MACROD2: variants seen among roughly 807,000 people sequenced by gnomAD.
MACROD2 encodes ADP-ribose glycohydrolase MACROD2.
MACROD2 carries 36 observed loss-of-function variants against 70.4 expected under a neutral mutation model. The ratio of observed to expected loss-of-function variants is 0.51; its 90% CI spans 0.39 to 0.68. The LOEUF is 0.68. Ranked by LOEUF, MACROD2 falls within the 30% of genes least tolerant of loss-of-function variation. The probability of loss-of-function intolerance (pLI) is 0.00; values close to 1 mark genes in which losing one functional copy is unlikely to be tolerated. For missense variants in MACROD2, 496 were observed against 538.4 expected, an observed-to-expected ratio of 0.92 and a Z score of 0.78; for synonymous variants, 172 against 178.8, an observed-to-expected ratio of 0.96 and a Z score of 0.30.
intron 8 of MACROD2, among the ~76,000 whole-genome samples, chr20:15,577,667 G>A (rs1043103319): frequency 2.0e-5 from 3 of 151,968 alleles, no homozygotes; most frequent in African/African-American, 7.3e-5. Context: ...ATTTATGTGG[G>A]CATGTGTTCC....
At chr20:15,544,866 G>C (rs903097290) in intron 8 of MACROD2, among the ~76,000 whole-genome samples, 2 of 152,136 alleles carry the variant, frequency 1.3e-5, no homozygotes, top group East Asian at 3.8e-4. Context: ...AGTTCCTTGG[G>C]GAAATACTTG....
intron 5 of MACROD2, chr20:14,905,684 C>T (rs1445546884): frequency 6.6e-6 from 1 of 152,148 alleles, no homozygotes; most frequent in Non-Finnish European, 1.5e-5. Flanking sequence ...GGTGTAACCT[C>T]TCCAATGCTA....
At chr20:14,529,227 A>G (rs2085273429) in intron 4 of MACROD2, among the ~76,000 whole-genome samples, 1 of 152,332 alleles carries the variant, frequency 6.6e-6, no homozygotes, top group Admixed American at 6.5e-5. Flanking sequence ...AAAAGATTAA[A>G]CAACAAGATT....
chr20:14,132,052 A>C (rs1232182288), intron 3 of MACROD2, among the ~76,000 whole-genome samples: 1 of 144,618 alleles, frequency 6.9e-6, no homozygotes, highest in African/African-American at 2.5e-5. Context: ...AATGGTGTGA[A>C]CCCGGGAGGC....
intron 5 of MACROD2, among the ~76,000 whole-genome samples, chr20:14,780,206 A>C (rs1222551615): frequency 6.6e-6 from 1 of 152,094 alleles, no homozygotes; most frequent in Non-Finnish European, 1.5e-5. Context: ...AAAAGCAAAA[A>C]CAAAAATAAG....
At chr20:15,265,104 G>T (rs144985362) in intron 6 of MACROD2, among the ~76,000 whole-genome samples, 1 of 152,158 alleles carries the variant, frequency 6.6e-6, no homozygotes, top group South Asian at 2.1e-4. Context: ...TGTGAAATAG[G>T]TATACTTGAT....
intron 3 of MACROD2, among the ~76,000 whole-genome samples, chr20:14,443,615 G>A (rs934709698): frequency 1.3e-5 from 2 of 152,042 alleles, no homozygotes; most frequent in Non-Finnish European, 2.9e-5. Flanking sequence ...GCTATTATAT[G>A]CCAAAATGGA....
rs888195724 is a variant in MACROD2 at position 15,796,664 on chromosome 20, C to T, written c.646-66081C>T. On this transcript the variant is annotated intron_variant, in intron 8 of 17. Transcript: ENST00000684519. ...ATAAGAGGTCATGTCAGCAGAGTGC[C>T]GGGCATTTGGCAAATGCTCAATAAT... is the stretch of plus-strand genomic sequence containing the variant. Among the ~76,000 whole-genome samples the T allele has an allele frequency of 4.6e-5, 7 of 152,202 alleles. No homozygotes were observed. The South Asian group carries it at 1.0e-3, about 23-fold the overall frequency.
intron 2 of MACROD2, among the ~76,000 whole-genome samples, chr20:14,030,501 C>T (rs569994612): frequency 2.0e-5 from 3 of 152,128 alleles, no homozygotes; most frequent in South Asian, 2.1e-4. Flanking sequence ...CTCTGCCTCC[C>T]GGGTTCAAGC....
chr20:15,935,330 C>T (rs574292525), intron 11 of MACROD2, among the ~76,000 whole-genome samples: 4 of 152,136 alleles, frequency 2.6e-5, no homozygotes, highest in Non-Finnish European at 5.9e-5. Context: ...GTGAGCTCGC[C>T]GGCCGGCACA....
intron 5 of MACROD2, among the ~76,000 whole-genome samples, chr20:15,129,507 A>G (rs1449083312): frequency 6.6e-6 from 1 of 152,144 alleles, no homozygotes; most frequent in Non-Finnish European, 1.5e-5. Flanking sequence ...CAACTTTTCT[A>G]TCCCTATTTT....
intron 6 of MACROD2, among the ~76,000 whole-genome samples, chr20:15,321,606 A>G (rs2077874011): frequency 6.9e-6 from 1 of 144,648 alleles, no homozygotes; most frequent in Admixed American, 6.9e-5. Context: ...AGGAATGTTA[A>G]TCAGACTAAT....
chr20:15,189,697 C>A (rs1051533294), intron 5 of MACROD2, among the ~76,000 whole-genome samples: 11 of 151,972 alleles, frequency 7.2e-5, no homozygotes, highest in Non-Finnish European at 4.4e-5. Flanking sequence ...TAAAAATATC[C>A]TGGTGTTCAA....
chr20:14,618,629 A>G (rs1600462991), intron 4 of MACROD2, among the ~76,000 whole-genome samples: 1 of 152,112 alleles, frequency 6.6e-6, no homozygotes, highest in Non-Finnish European at 1.5e-5. Context: ...GCTCCTCTGA[A>G]ACAAGGTGGA....
intron 8 of MACROD2, among the ~76,000 whole-genome samples, chr20:15,588,658 C>A (rs2146663374): frequency 6.6e-6 from 1 of 152,210 alleles, no homozygotes; most frequent in Middle Eastern, 3.4e-3. Flanking sequence ...TTCAAAGTAC[C>A]ACAAATTTCT....
At chr20:15,169,781 T>C (rs1266135820) in intron 5 of MACROD2, among the ~76,000 whole-genome samples, 1 of 152,202 alleles carries the variant, frequency 6.6e-6, no homozygotes, top group Non-Finnish European at 1.5e-5. Context: ...CTTTTTTTTT[T>C]CCTTTTATCA....
chr20:14,197,067 A>G (rs2081438674), intron 3 of MACROD2, among the ~76,000 whole-genome samples: 1 of 152,220 alleles, frequency 6.6e-6, no homozygotes, highest in Non-Finnish European at 1.5e-5. Context: ...CAGGACATAT[A>G]GTTAAGTCCA....
intron 5 of MACROD2, among the ~76,000 whole-genome samples, chr20:15,034,845 A>G (rs572056058): frequency 1.3e-3 from 199 of 152,294 alleles, no homozygotes; most frequent in African/African-American, 4.7e-3. Flanking sequence ...TCTGTCGTCA[A>G]TCTACTTTAA....
At chr20:15,179,207 C>T (rs1249429895) in intron 5 of MACROD2, among the ~76,000 whole-genome samples, 1 of 152,118 alleles carries the variant, frequency 6.6e-6, no homozygotes, top group Non-Finnish European at 1.5e-5. Flanking sequence ...GTGGTTACCT[C>T]CATGTAAATA....
Sources: allele counts gnomAD v4.1 joint callset (sites outside exome capture counted in the v4.1 genomes callset), GRCh38; gene constraint gnomAD v4.1.1; transcripts MANE v1.5; gene names NCBI Gene and HGNC (gene_info 2026-07-23, HGNC 2026-07-21).